The following ERP44 variants were observed in gnomAD, a reference collection of about 807,000 sequenced individuals.
ERP44 encodes endoplasmic reticulum resident protein 44.
A neutral mutation model predicts 53.4 loss-of-function variants in ERP44; 25 were observed. The observed-to-expected ratio is 0.47, with a 90% CI of 0.34 to 0.65. The LOEUF (loss-of-function observed/expected upper bound fraction) is 0.65, where lower values mean the gene tolerates loss of function less well. Among genes scored for constraint, ERP44 ranks in the 30% least tolerant of loss-of-function variants. ERP44 has a pLI of 0.01. For missense variants in ERP44, 338 were observed against 493.2 expected, an observed-to-expected ratio of 0.69 and a Z score of 2.98; for synonymous variants, 145 against 161.2, an observed-to-expected ratio of 0.90 and a Z score of 0.76.
chr9:100,069,102 T>A (rs899178099), intron 1 of ERP44, among the ~76,000 whole-genome samples: 1 of 151,884 alleles, frequency 6.6e-6, no homozygotes, highest in Admixed American at 6.6e-5. Context: ...GCATGCTCCT[T>A]AAGAGTCATC....
chr9:100,067,472 C>G (rs980226443), intron 1 of ERP44, among the ~76,000 whole-genome samples: 1 of 152,232 alleles, frequency 6.6e-6, no homozygotes, highest in African/African-American at 2.4e-5. Context: ...GGATTGCAGA[C>G]GGAGTCTGGT....
chr9:100,068,760 T>C (rs1278478288), intron 1 of ERP44, among the ~76,000 whole-genome samples: 1 of 148,488 alleles, frequency 6.7e-6, no homozygotes, highest in African/African-American at 2.5e-5. Context: ...GGAGCCCCTC[T>C]GCCCGGCCAG....
At chr9:100,025,254 C>G (rs894644339) in intron 4 of ERP44, among the ~76,000 whole-genome samples, 13 of 152,196 alleles carry the variant, frequency 8.5e-5, no homozygotes, top group Middle Eastern at 3.4e-3. Flanking sequence ...AATACAAAAA[C>G]AGGGAACACT....
intron 4 of ERP44, among the ~76,000 whole-genome samples, chr9:100,022,513 C>A (rs1043325942): frequency 6.6e-6 from 1 of 152,164 alleles, no homozygotes; most frequent in Non-Finnish European, 1.5e-5. Flanking sequence ...TAAGGATAAT[C>A]ATTTCTACCA....
At chr9:100,080,936 A>G (rs573129418) in intron 1 of ERP44, among the ~76,000 whole-genome samples, 18 of 152,314 alleles carry the variant, frequency 1.2e-4, no homozygotes, top group Admixed American at 8.5e-4. Flanking sequence ...GATTACCAAT[A>G]TAAGAAAAAA....
At chr9:100,062,795 G>A (rs1354971473) in intron 1 of ERP44, among the ~76,000 whole-genome samples, 2 of 151,972 alleles carry the variant, frequency 1.3e-5, no homozygotes, top group Non-Finnish European at 1.5e-5. Context: ...TTTACTAGCT[G>A]GACACAGTGA....
At chr9:100,030,037 G>A (rs1182952819) in intron 4 of ERP44, among the ~76,000 whole-genome samples, 2 of 152,240 alleles carry the variant, frequency 1.3e-5, no homozygotes, top group African/African-American at 2.4e-5. Flanking sequence ...GCAGTAAGCC[G>A]AGATCATGCC....
At chr9:100,002,132 TA>T (rs59995242) in intron 10 of ERP44, among the ~76,000 whole-genome samples, 1 of 147,974 alleles carries the variant, frequency 6.8e-6, no homozygotes, top group Admixed American at 6.7e-5. Flanking sequence ...TTTATTCACA[TA>T]AAAAAAAAAA....
chr9:100,068,990 C>T (rs947228312), intron 1 of ERP44, among the ~76,000 whole-genome samples: 12 of 152,158 alleles, frequency 7.9e-5, no homozygotes, highest in Non-Finnish European at 1.6e-4. Context: ...TGTGACCTTA[C>T]CCCCAACCCT....
chr9:100,096,417 T>C (rs1587989211), intron 1 of ERP44, among the ~76,000 whole-genome samples: 1 of 151,700 alleles, frequency 6.6e-6, no homozygotes, highest in Admixed American at 6.6e-5. Flanking sequence ...ATAAAAGATA[T>C]ATATACATAT....
chr9:100,040,892 G>A (rs1476483344), intron 4 of ERP44, among the ~76,000 whole-genome samples: 2 of 151,968 alleles, frequency 1.3e-5, no homozygotes. Context: ...AAATAAAAAT[G>A]TAATCCCATT....
chr9:100,018,364 G>T, intron 6 of ERP44, 51 bp from the exon 7 acceptor site: 2 of 1,091,170 alleles, frequency 1.8e-6, no homozygotes, highest in Non-Finnish European at 2.8e-6. Flanking sequence ...ATTTTGCAAT[G>T]TAGGAATTAC....
rs935326312 is a variant in ERP44, at chr9:100,055,651, G to GT, written c.170+2168dup. Among the ~76,000 whole-genome samples the GT allele has an allele frequency of 6.6e-5, 10 of 152,310 alleles. No homozygotes were observed. In the East Asian group the frequency reaches 1.9e-3, roughly 29 times the overall value. On this transcript the variant is annotated intron_variant, in intron 3 of 11. Transcript: ENST00000262455. ...CTTCCAAAGTGCTGGGATTACAGGC[G>GT]TGAGCCACTGTGCCCAGCCATGTGA... is the stretch of plus-strand genomic sequence containing the variant.
chr9:100,081,173 CAA>C (rs1826418528), intron 1 of ERP44, among the ~76,000 whole-genome samples: 1 of 151,646 alleles, frequency 6.6e-6, no homozygotes. Flanking sequence ...ATTCTGAAAA[CAA>C]GAGATATACC....
intron 10 of ERP44, among the ~76,000 whole-genome samples, chr9:99,989,668 T>C (rs1168820631): frequency 1.3e-5 from 2 of 151,958 alleles, no homozygotes; most frequent in Non-Finnish European, 1.5e-5. Flanking sequence ...TCGCCAGCAA[T>C]GGAACAAAGC....
chr9:100,007,648 G>T lies in ERP44; in HGVS notation c.804C>A (p.His268Gln). ...EEGLPFLILF[H>Q]MKEDTESLEI... ...CTAAACTTTCTGTATCTTCTTTCAT[G>T]TGAAAGAGTATGAGAAAAGGCAGTC... Residue 268 changes from histidine to glutamine, a missense_variant, in exon 9 of 12, where the codon CAC becomes CAA. Physicochemically the swap from His to Gln is conservative, Grantham distance 24. This residue lies in a region of ERP44 where 113 missense variants were observed against 172.6 expected (regional missense o/e 0.65). Coordinates refer to ENST00000262455, the MANE Select transcript of ERP44 (RefSeq NM_015051.3). 6.2e-7 allele frequency: 1 copy of T among 1,603,026 alleles called. No individual in the cohort carries two copies. The highest frequency in any genetic ancestry group is 8.5e-7 in the Non-Finnish European group (1 of 1,169,902).
intron 7 of ERP44, among the ~76,000 whole-genome samples, 158 bp from the exon 8 acceptor site, chr9:100,016,596 G>A (rs150274631): frequency 3.3e-5 from 5 of 152,060 alleles, no homozygotes; most frequent in Admixed American, 3.3e-4. Context: ...TGACCTCCTG[G>A]GCTCAAGCAA....
chr9:99,999,140 G>T (rs1475944571), intron 10 of ERP44: 2 of 573,798 alleles, frequency 3.5e-6, no homozygotes, highest in East Asian at 3.0e-5. Context: ...AGTGTACCGC[G>T]CTGGGAGGCC....
At chr9:100,066,327 A>AT (rs1471378622) in intron 1 of ERP44, among the ~76,000 whole-genome samples, 1 of 152,192 alleles carries the variant, frequency 6.6e-6, no homozygotes. Flanking sequence ...ATAGATGTTA[A>AT]TTTTTTAAAG....
Sources: gnomAD v4.1 joint callset for allele counts (sites outside exome capture counted in the v4.1 genomes callset) on GRCh38, gnomAD v4.1.1 for gene constraint, gnomAD v4.1.1 regional missense constraint, MANE v1.5 for transcripts, NCBI Gene and HGNC (gene_info 2026-07-23, HGNC 2026-07-21) for gene names.